Variants in FTSJ1 observed in about 807,000 individuals in gnomAD.
FTSJ1 encodes the protein tRNA (cytidine(32)/guanosine(34)-2'-O)-methyltransferase.
A neutral mutation model predicts 28.5 loss-of-function variants in FTSJ1; 3 were observed. The observed-to-expected ratio is 0.11, with a 90% CI of 0.05 to 0.27. The LOEUF (loss-of-function observed/expected upper bound fraction) is 0.27, where lower values mean the gene tolerates loss of function less well. Among genes scored for constraint, FTSJ1 ranks in the 10% least tolerant of loss-of-function variants. The probability of loss-of-function intolerance (pLI) is 1.00; values close to 1 mark genes in which losing one functional copy is unlikely to be tolerated. For missense variants in FTSJ1, 162 were observed against 279.0 expected (o/e 0.58, Z 2.99); for synonymous variants, 104 against 113.9 (o/e 0.91, Z 0.55).
rs920525636 is a variant in FTSJ1, at chrX:48,478,624, G to A, written c.199G>A (p.Gly67Arg). 8.3e-7 allele frequency: 1 copy of A among 1,207,987 alleles called. No homozygotes were observed. Among genetic ancestry groups the A allele is most frequent in the Non-Finnish European group, 1.1e-6 (1 of 892,484 alleles). ...QVLSQKIGGQGSGHVVAVDLQ... is the reference protein window; with the variant it reads ...QVLSQKIGGQRSGHVVAVDLQ... Reference sequence around the variant, plus strand: ...GGGCCATGTTGTCCACAGGGGCCAAGGGTCCGGCCACGTGGTGGCTGTGGA... The same window carrying A: ...GGGCCATGTTGTCCACAGGGGCCAAAGGTCCGGCCACGTGGTGGCTGTGGA... The change falls in exon 4 of 13, where the codon GGG becomes AGG. Residue 67 changes from glycine (G) to arginine (R), a missense_variant. Gly to Arg is a moderately radical substitution (Grantham distance 125, BLOSUM62 -2). Transcript: ENST00000348411.
intron 5 of FTSJ1, among the ~76,000 whole-genome samples, chrX:48,479,454 G>A (rs2061554682): frequency 8.9e-6 from 1 of 112,843 alleles, no homozygotes; most frequent in Admixed American, 9.4e-5. Flanking sequence ...CACCTATTGT[G>A]TTGGGAAAAC....
chrX:48,481,144 G>A lies in FTSJ1; in HGVS notation c.362-7G>A. The A allele has an allele frequency of 8.3e-7, 1 of 1,207,821 alleles. No individual in the cohort carries two copies. The highest frequency in any genetic ancestry group is 1.1e-6 in the Non-Finnish European group (1 of 892,229). On this transcript the variant is annotated splice_region_variant and splice_polypyrimidine_tract_variant and intron_variant, in intron 5 of 12. Coordinates refer to ENST00000348411, the MANE Select transcript of FTSJ1 (RefSeq NM_012280.4). ...GGACCCCCCTAACGCTGTTCCTCTT[G>A]CCACAGTAACCGGTCTCCATGATGT... is the stretch of plus-strand genomic sequence containing the variant.
At chrX:48,477,462 G>A (rs2061539877) in intron 1 of FTSJ1, among the ~76,000 whole-genome samples, 1 of 111,315 alleles carries the variant, frequency 9.0e-6, no homozygotes, top group East Asian at 2.8e-4. Flanking sequence ...GGGATTAATG[G>A]CGAATGGGGT....
chrX:48,482,111 T>G (rs1393066330), intron 9 of FTSJ1, among the ~76,000 whole-genome samples: 1 of 112,317 alleles, frequency 8.9e-6, no homozygotes, highest in Non-Finnish European at 1.9e-5. Flanking sequence ...AGACAGAGCC[T>G]GCCCCTGGGA....
At position 48,478,016 on chromosome X, in the gene FTSJ1, G is replaced by T. The variant is rs369960936; in HGVS notation, c.-32G>T. 3.3e-6 allele frequency: 4 copies of T among 1,211,380 alleles called. No individual in the cohort carries two copies. On this transcript the variant is annotated 5_prime_UTR_variant, in exon 2 of 13. Coordinates refer to ENST00000348411, the MANE Select transcript of FTSJ1 (RefSeq NM_012280.4). ...TGATACTGGCCGGCATCAGTGGACT[G>T]TCGGCAGGTCCTTGAGCAACTGGTG...
chrX:48,478,149 G>C lies in FTSJ1; in HGVS notation c.102G>C (p.Lys34Asn). The C allele has an allele frequency of 8.3e-7, 1 of 1,209,333 alleles. No homozygotes were observed. The highest frequency in any genetic ancestry group is 1.1e-6 in the Non-Finnish European group (1 of 894,141). The stretch of plus-strand genomic sequence containing the variant: ...CCTTCAAACTGCTACAACTGGATAA[G>C]GAATTCCAACTCTTCCAAGGTCCCT... ...RSAFKLLQLD[K>N]EFQLFQGVTR... is the part of the protein sequence containing the mutation. The change falls in exon 2 of 13, where the codon AAG becomes AAC. Residue 34 changes from lysine (K) to asparagine (N), a missense_variant. Transcript: ENST00000348411.
intron 1 of FTSJ1, among the ~76,000 whole-genome samples, chrX:48,477,693 T>C (rs2061541891): frequency 9.1e-6 from 1 of 110,143 alleles, no homozygotes; most frequent in Admixed American, 9.6e-5. Context: ...GTGACAGTGA[T>C]GGGAGGTGGA....
chrX:48,478,968 C>A (rs2061551081), intron 4 of FTSJ1, 70 bp from the exon 5 acceptor site: 1 of 876,853 alleles, frequency 1.1e-6, no homozygotes, highest in Non-Finnish European at 1.7e-6. Context: ...TGGGCCAGGA[C>A]CATGGGCAGG....
intron 11 of FTSJ1, 87 bp from the exon 12 acceptor site, chrX:48,482,899 A>G: frequency 8.3e-7 from 1 of 1,209,217 alleles, no homozygotes; most frequent in Non-Finnish European, 1.1e-6. Flanking sequence ...CCTGCCTCCC[A>G]ATAGCTATAA....
chrX:48,482,855 A>G (rs1020782232), intron 11 of FTSJ1, 61 bp downstream of exon 11: 17 of 1,204,786 alleles, frequency 1.4e-5, no homozygotes, highest in Middle Eastern at 2.3e-4. Flanking sequence ...TTTCTGACCC[A>G]AATCTCATGG....
At chrX:48,480,340 G>A (rs2061560780) in intron 5 of FTSJ1, among the ~76,000 whole-genome samples, 1 of 110,779 alleles carries the variant, frequency 9.0e-6, no homozygotes. Flanking sequence ...ATTGCAGCCC[G>A]TGCAAAGGTC....
At chrX:48,478,841 A>G (rs948224176) in intron 4 of FTSJ1, 134 bp downstream of exon 4, 5 of 547,668 alleles carry the variant, frequency 9.1e-6, no homozygotes, top group Non-Finnish European at 1.6e-5. Context: ...ACCATGGAGA[A>G]ACAGTCAGCA....
chrX:48,483,046 C>G lies in FTSJ1; in HGVS notation c.*9+19C>G. ...CATTACGGTAAGTTTGCCTTGTTAT[C>G]TAAGAGTTTGAGTAAGGGCAACCTT... On this transcript the variant is annotated intron_variant, in intron 12 of 12. Coordinates refer to ENST00000348411, the MANE Select transcript of FTSJ1 (RefSeq NM_012280.4). The G allele has an allele frequency of 2.6e-6, 3 of 1,164,950 alleles. No individual in the cohort carries two copies. The highest frequency in any genetic ancestry group is 2.3e-6 in the Non-Finnish European group (2 of 852,857).
At chrX:48,482,949 G>A (rs1271246901) in intron 11 of FTSJ1, 37 bp from the exon 12 acceptor site, 20 of 1,207,666 alleles carry the variant, frequency 1.7e-5, no homozygotes, top group Admixed American at 1.3e-4. Flanking sequence ...GAAAAGTTTC[G>A]CCAAATATGT....
At chrX:48,479,160 G>C (rs1556967665) in intron 5 of FTSJ1, 44 bp downstream of exon 5, 5 of 866,633 alleles carry the variant, frequency 5.8e-6, no homozygotes, top group Non-Finnish European at 8.6e-6. Context: ...GGCCCCCTGT[G>C]TGTGTCCTTC....
At chrX:48,477,602 G>A (rs1412637425) in intron 1 of FTSJ1, among the ~76,000 whole-genome samples, 1 of 111,406 alleles carries the variant, frequency 9.0e-6, no homozygotes, top group East Asian at 2.8e-4. Flanking sequence ...TGGGGATACA[G>A]TCAGTGAGAT....
rs2061601316 is a variant in FTSJ1 at position 48,486,098 on chromosome X, A to T, written c.*372A>T. ...AGCAATGAAACTGAAATTTAGCCTT[A>T]CTCCCAAGTTATAAATGCTGGCAAC... On this transcript the variant is annotated 3_prime_UTR_variant, in exon 13 of 13. Coordinates refer to ENST00000348411, the MANE Select transcript of FTSJ1 (RefSeq NM_012280.4). The T allele has an allele frequency of 8.9e-6, 1 of 112,117 alleles. No individual in the cohort carries two copies. The highest frequency in any genetic ancestry group is 1.9e-5 in the Non-Finnish European group (1 of 53,235). 9.2% of individuals were successfully genotyped at this position (112,117 alleles called of 1,213,427 possible). A position where few individuals can be genotyped will look rare whatever the true frequency, so the allele number is the denominator to read the frequency against.
At chrX:48,477,477 C>CGA (rs1197318540) in intron 1 of FTSJ1, among the ~76,000 whole-genome samples, 1 of 110,494 alleles carries the variant, frequency 9.1e-6, no homozygotes, top group Non-Finnish European at 1.9e-5. Flanking sequence ...TGGGGTGAAA[C>CGA]GAGAGAGATA....
chrX:48,478,020 G>C lies in FTSJ1; in HGVS notation c.-28G>C, dbSNP rs782261840. On this transcript the variant is annotated 5_prime_UTR_variant, in exon 2 of 13. Transcript: ENST00000348411. ...ACTGGCCGGCATCAGTGGACTGTCG[G>C]CAGGTCCTTGAGCAACTGGTGTGTG... The C allele has an allele frequency of 2.5e-6, 3 of 1,211,305 alleles. No individual in the cohort carries two copies. Among genetic ancestry groups the C allele is most frequent in the Non-Finnish European group, 3.4e-6 (3 of 895,181 alleles).
Sources: gnomAD v4.1 joint callset for allele counts (sites outside exome capture counted in the v4.1 genomes callset) on GRCh38, gnomAD v4.1.1 for gene constraint, MANE v1.5 for transcripts, NCBI Gene and HGNC (gene_info 2026-07-23, HGNC 2026-07-21) for gene names.